Variants in MMS22L observed in about 807,000 individuals in gnomAD.
MMS22L encodes protein MMS22-like.
In MMS22L, 74 loss-of-function variants were observed where a neutral mutation model predicts 159.1. The ratio of observed to expected loss-of-function variants is 0.47; its 90% CI spans 0.39 to 0.56. The LOEUF (loss-of-function observed/expected upper bound fraction) is 0.56. Ranked by LOEUF, MMS22L falls within the 20% of genes least tolerant of loss-of-function variation. The pLI, the probability that MMS22L is intolerant of heterozygous loss-of-function variation, is 0.00. For missense variants in MMS22L, 1,351 were observed against 1,422.1 expected (o/e 0.95, Z 0.80); for synonymous variants, 517 against 506.9 (o/e 1.02, Z -0.27).
intron 14 of MMS22L, among the ~76,000 whole-genome samples, chr6:97,207,737 C>T (rs1189192893): frequency 6.6e-6 from 1 of 152,106 alleles, no homozygotes; most frequent in Non-Finnish European, 1.5e-5. Flanking sequence ...AGTCAACTTG[C>T]TGAAGGAGTA....
chr6:97,267,987 C>G lies in MMS22L; in HGVS notation c.713G>C (p.Gly238Ala), dbSNP rs1296819428. The change falls in exon 8 of 25, where the codon GGT (glycine) becomes GCT (alanine). Residue 238 changes from glycine to alanine, a missense_variant. Gly to Ala is a moderately conservative substitution (Grantham distance 60, BLOSUM62 0). Coordinates refer to ENST00000683635, the MANE Select transcript of MMS22L (RefSeq NM_001350599.2). ...ACTTGCCAGATTCATAAACTGATGA[C>G]CATATACAACTTGTTCTGAAAATGT... ...LGEKLKQVVY[G>A]HQFMNLASDN... The G allele has an allele frequency of 1.3e-6, 2 of 1,566,752 alleles. No individual in the cohort carries two copies. The highest frequency in any genetic ancestry group is 2.3e-5 in the East Asian group (1 of 42,994).
intron 14 of MMS22L, among the ~76,000 whole-genome samples, chr6:97,212,383 T>C (rs1199522707): frequency 6.6e-6 from 1 of 152,216 alleles, no homozygotes; most frequent in Non-Finnish European, 1.5e-5. Flanking sequence ...AAAGCATAAA[T>C]AGTATTCTTT....
In MMS22L at chr6:97,283,189, C is replaced by A. The variant is rs1205095051; in HGVS notation, c.-170G>T. 2 of 152,276 alleles carry A rather than the reference C, an allele frequency of 1.3e-5. No individual in the cohort carries two copies. Among genetic ancestry groups the A allele is most frequent in the Non-Finnish European group, 2.9e-5 (2 of 68,088 alleles). 9.4% of individuals were successfully genotyped at this position (152,276 alleles called of 1,614,324 possible). Reference sequence around the variant, plus strand: ...CTAAACCGCAAACAGGCGAAATTCCCGCCACCGCGCGCCCGCGCTCCGGAA... The same window carrying A: ...CTAAACCGCAAACAGGCGAAATTCCAGCCACCGCGCGCCCGCGCTCCGGAA... On this transcript the variant is annotated 5_prime_UTR_variant, in exon 1 of 25. Transcript: ENST00000683635.
intron 4 of MMS22L, among the ~76,000 whole-genome samples, chr6:97,277,047 T>G (rs1816303205): frequency 6.6e-6 from 1 of 152,106 alleles, no homozygotes; most frequent in South Asian, 2.1e-4. Flanking sequence ...ACAAAAAATA[T>G]AAAACAGCCT....
chr6:97,157,642 A>C (rs1025889812), intron 22 of MMS22L, among the ~76,000 whole-genome samples: 3 of 152,154 alleles, frequency 2.0e-5, no homozygotes, highest in Admixed American at 6.6e-5. Flanking sequence ...CATATGTTGA[A>C]CCAGCCTTGC....
intron 18 of MMS22L, among the ~76,000 whole-genome samples, chr6:97,174,019 C>T (rs1803845820): frequency 6.6e-6 from 1 of 151,780 alleles, no homozygotes; most frequent in Non-Finnish European, 1.5e-5. Flanking sequence ...GTTTGGGAGG[C>T]CAAGGTGGGC....
intron 10 of MMS22L, among the ~76,000 whole-genome samples, 170 bp from the exon 11 acceptor site, chr6:97,246,860 G>GA (rs921419663): frequency 1.2e-4 from 18 of 151,906 alleles, no homozygotes; most frequent in African/African-American, 4.3e-4. Context: ...AAACTTGGCA[G>GA]AAAAAAATGT....
intron 4 of MMS22L, among the ~76,000 whole-genome samples, chr6:97,277,565 A>G (rs944691632): frequency 6.6e-6 from 1 of 152,098 alleles, no homozygotes; most frequent in African/African-American, 2.4e-5. Context: ...ACACACACAC[A>G]AAATGAACAA....
chr6:97,216,722 T>C (rs1185833349), intron 14 of MMS22L, among the ~76,000 whole-genome samples: 1 of 152,218 alleles, frequency 6.6e-6, no homozygotes, highest in Non-Finnish European at 1.5e-5. Flanking sequence ...CTGAATTTCA[T>C]CTAAAGCTTC....
intron 12 of MMS22L, 74 bp from the exon 13 acceptor site, chr6:97,231,726 CAGTT>C: frequency 9.5e-7 from 1 of 1,056,988 alleles, no homozygotes; most frequent in African/African-American, 1.6e-5. Context: ...CTGCAAATCC[CAGTT>C]AGTTGGTTCA....
chr6:97,178,611 A>G (rs1164754473), intron 17 of MMS22L, 26 bp from the exon 18 acceptor site: 6 of 1,231,108 alleles, frequency 4.9e-6, no homozygotes, highest in Non-Finnish European at 6.8e-6. Flanking sequence ...AGTATTTGTT[A>G]TATCAATTTA....
intron 10 of MMS22L, 127 bp from the exon 11 acceptor site, chr6:97,246,817 GAATTTCT>G (rs1234815560): frequency 1.7e-6 from 1 of 600,624 alleles, no homozygotes; most frequent in Non-Finnish European, 2.8e-6. Flanking sequence ...GTGATTTCTT[GAATTTCT>G]AATATTCCTT....
chr6:97,225,098 C>T (rs1810080866), intron 14 of MMS22L, among the ~76,000 whole-genome samples: 1 of 151,994 alleles, frequency 6.6e-6, no homozygotes, highest in Non-Finnish European at 1.5e-5. Flanking sequence ...ATAAAGAAGA[C>T]AGTATTTATA....
intron 19 of MMS22L, among the ~76,000 whole-genome samples, chr6:97,169,013 C>T (rs1803257677): frequency 6.6e-6 from 1 of 152,040 alleles, no homozygotes; most frequent in Non-Finnish European, 1.5e-5. Context: ...CAGTTTGCAA[C>T]AGAAGTATAA....
chr6:97,159,866 C>T (rs1253341391), intron 22 of MMS22L, among the ~76,000 whole-genome samples: 1 of 150,932 alleles, frequency 6.6e-6, no homozygotes, highest in Non-Finnish European at 1.5e-5. Context: ...CCAAAAGAAT[C>T]TGATATATAA....
At chr6:97,183,726 G>A (rs1026428655) in intron 15 of MMS22L, among the ~76,000 whole-genome samples, 3 of 152,050 alleles carry the variant, frequency 2.0e-5, no homozygotes, top group Non-Finnish European at 4.4e-5. Flanking sequence ...CACTTATTCT[G>A]CCTTCTCTTC....
intron 19 of MMS22L, among the ~76,000 whole-genome samples, chr6:97,170,880 A>G (rs1170501362): frequency 1.3e-5 from 2 of 152,120 alleles, no homozygotes; most frequent in East Asian, 3.9e-4. Context: ...GGTGGTGCAC[A>G]TCTGCAGTCC....
At chr6:97,177,409 C>T (rs1192230275) in intron 18 of MMS22L, among the ~76,000 whole-genome samples, 1 of 152,114 alleles carries the variant, frequency 6.6e-6, no homozygotes, top group Non-Finnish European at 1.5e-5. Flanking sequence ...TAAAGAACTA[C>T]TTCTTTTGAT....
At chr6:97,226,847 TCTTG>T (rs1254280154) in intron 14 of MMS22L, among the ~76,000 whole-genome samples, 1 of 152,058 alleles carries the variant, frequency 6.6e-6, no homozygotes, top group East Asian at 1.9e-4. Context: ...GTAGGAGTTG[TCTTG>T]AGCACTGTAG....
Sources: gnomAD v4.1 joint callset for allele counts (sites outside exome capture counted in the v4.1 genomes callset) on GRCh38, gnomAD v4.1.1 for gene constraint, MANE v1.5 for transcripts, NCBI Gene and HGNC (gene_info 2026-07-23, HGNC 2026-07-21) for gene names.